Variants in PCDH9 observed in about 807,000 individuals in gnomAD.
The protein encoded by PCDH9 is protocadherin 9, also known as protocadherin-9.
PCDH9 carries 24 observed loss-of-function variants against 70.6 expected under a neutral mutation model. The ratio of observed to expected loss-of-function variants is 0.34; its 90% CI spans 0.25 to 0.48. PCDH9 has a LOEUF of 0.48. Ranked by LOEUF, PCDH9 falls within the 20% of genes least tolerant of loss-of-function variation. The pLI, the probability that PCDH9 is intolerant of heterozygous loss-of-function variation, is 0.99. For missense variants in PCDH9, 1,281 were observed against 1,503.6 expected (o/e 0.85, Z 2.45); for synonymous variants, 562 against 558.5 (o/e 1.01, Z -0.09).
intron 2 of PCDH9, among the ~76,000 whole-genome samples, chr13:67,131,787 C>T (rs2087118040): frequency 6.6e-6 from 1 of 152,152 alleles, no homozygotes; most frequent in Non-Finnish European, 1.5e-5. Context: ...CAATCGGCAG[C>T]ACATCGTGGA....
At chr13:67,059,632 A>T (rs1000428816) in intron 2 of PCDH9, among the ~76,000 whole-genome samples, 4 of 151,428 alleles carry the variant, frequency 2.6e-5, no homozygotes, top group African/African-American at 9.7e-5. Context: ...CTTTCAAGAC[A>T]CTAATGAAGC....
intron 3 of PCDH9, among the ~76,000 whole-genome samples, chr13:66,808,559 G>A (rs1284448295): frequency 6.6e-6 from 1 of 152,086 alleles, no homozygotes. Context: ...CAGATTTGAG[G>A]ACGTGTAAAC....
At chr13:66,806,142 ATG>A (rs1335887989) in intron 3 of PCDH9, among the ~76,000 whole-genome samples, 1 of 152,168 alleles carries the variant, frequency 6.6e-6, no homozygotes, top group Non-Finnish European at 1.5e-5. Context: ...ATTCATAAAT[ATG>A]TGTTTATGAA....
At chr13:66,696,631 T>C (rs1388332285) in intron 3 of PCDH9, among the ~76,000 whole-genome samples, 1 of 152,172 alleles carries the variant, frequency 6.6e-6, no homozygotes, top group African/African-American at 2.4e-5. Context: ...TCTGAGAAGA[T>C]GTTTTCATTA....
At chr13:67,136,290 G>A (rs544191048) in intron 2 of PCDH9, among the ~76,000 whole-genome samples, 1 of 152,238 alleles carries the variant, frequency 6.6e-6, no homozygotes, top group African/African-American at 2.4e-5. Context: ...GCCATCTAGG[G>A]TTGTGTAAGT....
At chr13:67,071,574 A>T (rs1298006226) in intron 2 of PCDH9, among the ~76,000 whole-genome samples, 5 of 152,118 alleles carry the variant, frequency 3.3e-5, no homozygotes, top group Admixed American at 1.3e-4. Flanking sequence ...TCAATAAAAA[A>T]TTCGGAGAAA....
intron 2 of PCDH9, among the ~76,000 whole-genome samples, chr13:67,162,467 A>C (rs2087989674): frequency 6.6e-6 from 1 of 152,226 alleles, no homozygotes; most frequent in African/African-American, 2.4e-5. Flanking sequence ...TACACACCAA[A>C]CACCACAAGC....
intron 2 of PCDH9, among the ~76,000 whole-genome samples, chr13:66,910,286 G>A (rs2082438297): frequency 6.6e-6 from 1 of 152,146 alleles, no homozygotes; most frequent in African/African-American, 2.4e-5. Flanking sequence ...AACAAAAGCT[G>A]ATTTTATATA....
chr13:66,987,953 C>G (rs1473601577), intron 2 of PCDH9, among the ~76,000 whole-genome samples: 1 of 151,752 alleles, frequency 6.6e-6, no homozygotes, highest in African/African-American at 2.4e-5. Context: ...GGCTGGAGTG[C>G]AGTGCTAGAA....
At chr13:66,598,661 T>A (rs1349745658) in intron 4 of PCDH9, among the ~76,000 whole-genome samples, 1 of 151,848 alleles carries the variant, frequency 6.6e-6, no homozygotes, top group Non-Finnish European at 1.5e-5. Context: ...ACTGGCTTAA[T>A]GATTTAATTA....
chr13:66,350,123 G>C (rs1956270883), intron 4 of PCDH9, among the ~76,000 whole-genome samples: 1 of 152,022 alleles, frequency 6.6e-6, no homozygotes, highest in Non-Finnish European at 1.5e-5. Flanking sequence ...TTCTGACCTA[G>C]CTCTGACCTC....
At chr13:66,603,570 A>G (rs978638330) in intron 4 of PCDH9, among the ~76,000 whole-genome samples, 5 of 152,010 alleles carry the variant, frequency 3.3e-5, no homozygotes, top group African/African-American at 9.7e-5. Context: ...ACATTCATAT[A>G]TAGGGCAATA....
At chr13:66,680,032 T>A (rs766276135) in intron 3 of PCDH9, among the ~76,000 whole-genome samples, 1 of 151,974 alleles carries the variant, frequency 6.6e-6, no homozygotes, top group Non-Finnish European at 1.5e-5. Flanking sequence ...GTGGTAAGAA[T>A]ATGCACATGT....
intron 3 of PCDH9, among the ~76,000 whole-genome samples, chr13:66,709,974 A>T (rs2078770258): frequency 6.6e-6 from 1 of 152,192 alleles, no homozygotes; most frequent in South Asian, 2.1e-4. Context: ...AATATTTTTC[A>T]TAGTAATTTT....
At position 66,928,853 on chromosome 13, in the gene PCDH9, C is replaced by G. The variant is rs529903238; in HGVS notation, c.3037-25248G>C. ...TCTGAACAGACTAAGACAGACATAA[C>G]GAGGGAAAAAAAAATGACTTTGTGT... is the stretch of plus-strand genomic sequence containing the variant. On this transcript the variant is annotated intron_variant, in intron 2 of 4. Coordinates refer to ENST00000377865, the MANE Select transcript of PCDH9 (RefSeq NM_203487.3). Among the ~76,000 whole-genome samples the G allele has an allele frequency of 7.5e-5, 10 of 133,696 alleles. No homozygotes were observed. The Admixed American group carries it at 7.7e-4, about 10-fold the overall frequency. 87.7% of individuals were successfully genotyped at this position (133,696 alleles called of 152,430 possible).
chr13:67,031,351 G>A (rs2139885324), intron 2 of PCDH9, among the ~76,000 whole-genome samples: 1 of 152,158 alleles, frequency 6.6e-6, no homozygotes, highest in East Asian at 1.9e-4. Flanking sequence ...TTTCCTACCT[G>A]TAAAATACAA....
intron 3 of PCDH9, among the ~76,000 whole-genome samples, chr13:66,743,390 G>C (rs190628711): frequency 0.011 from 1,649 of 143,594 alleles, 34 homozygotes; most frequent in African/African-American, 0.039. Flanking sequence ...ATACACCTAA[G>C]GCTAGATGAC....
At chr13:66,788,291 C>T (rs1214383340) in intron 3 of PCDH9, among the ~76,000 whole-genome samples, 2 of 151,948 alleles carry the variant, frequency 1.3e-5, no homozygotes, top group African/African-American at 4.8e-5. Context: ...CAACTAAATC[C>T]CTCTCAAAAG....
intron 2 of PCDH9, among the ~76,000 whole-genome samples, chr13:67,153,182 G>GATAGGGTC (rs2087705813): frequency 1.3e-5 from 2 of 150,122 alleles, no homozygotes; most frequent in Non-Finnish European, 3.0e-5. Flanking sequence ...TTTTTTTTAA[G>GATAGGGTC]ATAGGGTCTC....
Sources: gnomAD v4.1 joint callset for allele counts (sites outside exome capture counted in the v4.1 genomes callset) on GRCh38, gnomAD v4.1.1 for gene constraint, MANE v1.5 for transcripts, NCBI Gene and HGNC (gene_info 2026-07-23, HGNC 2026-07-21) for gene names.